Variants in BIRC6 observed in about 807,000 individuals in gnomAD.
BIRC6 encodes baculoviral IAP repeat containing 6.
A neutral mutation model predicts 503.3 loss-of-function variants in BIRC6; 98 were observed. The observed-to-expected ratio is 0.19, with a 90% CI of 0.17 to 0.23. The LOEUF (loss-of-function observed/expected upper bound fraction) is 0.23, where lower values mean the gene tolerates loss of function less well. BIRC6 is among the 10% of genes least tolerant of loss of function. The pLI is 1.00. For missense variants in BIRC6, 5,360 were observed against 5,806.0 expected, an observed-to-expected ratio of 0.92 and a Z score of 2.50; for synonymous variants, 2,240 against 2,078.7, an observed-to-expected ratio of 1.08 and a Z score of -2.11.
chr2:32,376,914 T>TA (rs1202500208), intron 1 of BIRC6, among the ~76,000 whole-genome samples: 11 of 152,296 alleles, frequency 7.2e-5, no homozygotes, highest in African/African-American at 2.4e-4. Flanking sequence ...GTACCATACT[T>TA]ACCTGTTTTT....
chr2:32,449,557 C>T (rs568836468), intron 22 of BIRC6, among the ~76,000 whole-genome samples: 1 of 152,012 alleles, frequency 6.6e-6, no homozygotes, highest in South Asian at 2.1e-4. Context: ...GTACTTATTG[C>T]AGATGTTGTT....
intron 61 of BIRC6, among the ~76,000 whole-genome samples, chr2:32,534,429 T>C (rs1003371951): frequency 7.0e-6 from 1 of 143,808 alleles, no homozygotes; most frequent in Non-Finnish European, 1.5e-5. Context: ...AACTGGAAGA[T>C]GTATCAAAAG....
chr2:32,496,762 A>T (rs889767062), intron 45 of BIRC6, among the ~76,000 whole-genome samples: 1 of 152,146 alleles, frequency 6.6e-6, no homozygotes, highest in Non-Finnish European at 1.5e-5. Context: ...AGATTGCATC[A>T]TTCTGTAGAT....
intron 69 of BIRC6, among the ~76,000 whole-genome samples, chr2:32,598,663 C>G (rs1296682011): frequency 6.6e-6 from 1 of 152,130 alleles, no homozygotes; most frequent in Non-Finnish European, 1.5e-5. Flanking sequence ...GTTAAACATT[C>G]TGTCTTCCAT....
At chr2:32,597,598 A>G (rs771962101) in intron 68 of BIRC6, among the ~76,000 whole-genome samples, 153 bp from the exon 69 acceptor site, 1 of 152,184 alleles carries the variant, frequency 6.6e-6, no homozygotes, top group African/African-American at 2.4e-5. Context: ...GTGCTAATAT[A>G]TAGGTGTTAT....
At chr2:32,536,222 G>A (rs1250489641) in intron 61 of BIRC6, among the ~76,000 whole-genome samples, 1 of 152,112 alleles carries the variant, frequency 6.6e-6, no homozygotes, top group African/African-American at 2.4e-5. Context: ...TGTCAGATGA[G>A]TAGATTGCAA....
At chr2:32,382,020 G>C (rs962604573) in intron 3 of BIRC6, among the ~76,000 whole-genome samples, 1 of 152,126 alleles carries the variant, frequency 6.6e-6, no homozygotes, top group Non-Finnish European at 1.5e-5. Flanking sequence ...TGTCCTATGA[G>C]TTTCAACAGA....
chr2:32,612,157 C>T (rs528052043), intron 73 of BIRC6, among the ~76,000 whole-genome samples: 7 of 152,300 alleles, frequency 4.6e-5, no homozygotes, highest in South Asian at 2.1e-4. Flanking sequence ...CATGAGCAAC[C>T]GTGCCAGACT....
intron 72 of BIRC6, among the ~76,000 whole-genome samples, chr2:32,610,222 T>C (rs2062769908): frequency 6.6e-6 from 1 of 152,184 alleles, no homozygotes; most frequent in South Asian, 2.1e-4. Flanking sequence ...GTCTGTTCTT[T>C]AGGGCAGACA....
At chr2:32,514,157 C>CA (rs1482632419) in intron 54 of BIRC6, among the ~76,000 whole-genome samples, 2 of 151,956 alleles carry the variant, frequency 1.3e-5, no homozygotes. Flanking sequence ...CAAATCTCTA[C>CA]AAAAAAATTA....
At position 32,543,247 on chromosome 2, in the gene BIRC6, G is replaced by A. The variant is rs569929809; in HGVS notation, c.12298G>A (p.Ala4100Thr). The A allele has an allele frequency of 1.2e-5, 19 of 1,613,018 alleles. No individual in the cohort carries two copies. The highest frequency in any genetic ancestry group is 4.5e-5 in the East Asian group (2 of 44,846). The change falls in exon 62 of 74, where the codon GCT (alanine) becomes ACT (threonine). Residue 4100 changes from alanine (A) to threonine (T), a missense_variant. Coordinates refer to ENST00000421745, the MANE Select transcript of BIRC6 (RefSeq NM_016252.4). ...LYPEVIQQVS[A>T]PVVTSTTQEK... ...CACTTTTCTTTTTCTTTAGGTGAGT[G>A]CTCCAGTTGTAACATCTACCACTCA...
In BIRC6 at chr2:32,467,543, C is replaced by T; in HGVS notation, c.5375C>T (p.Thr1792Ile). Residue 1792 changes from threonine (T) to isoleucine (I), a missense_variant, in exon 27 of 74, where the codon ACC becomes ATC. Physicochemically the swap from Thr to Ile is moderately conservative, Grantham distance 89. This residue lies in a region of BIRC6 where 2,299 missense variants were observed against 2,267.2 expected (regional missense o/e 1.01). Coordinates refer to ENST00000421745, the MANE Select transcript of BIRC6 (RefSeq NM_016252.4). ...CTCATAGGAGCAAGAAGATTTGTGA[C>T]CTTGGATTTTGGGAGGCCTATATTG... Reference protein sequence around the residue: ...RMHSGARRFVTLDFGRPILLT... With the variant: ...RMHSGARRFVILDFGRPILLT... The T allele has an allele frequency of 6.2e-7, 1 of 1,613,706 alleles. No individual in the cohort carries two copies. Among genetic ancestry groups the T allele is most frequent in the Non-Finnish European group, 8.5e-7 (1 of 1,179,778 alleles).
Position 32,364,494 on chromosome 2 carries a change from G to A in BIRC6, c.325+7008G>A, listed in dbSNP as rs539108203. Among the ~76,000 whole-genome samples the A allele has an allele frequency of 2.0e-5, 3 of 152,214 alleles. No individual in the cohort carries two copies. The East Asian group carries it at 5.8e-4, about 29-fold the overall frequency. ...CTGACCTCGTGATCCGCCCGCCCTG[G>A]CCTCCCAAAGTGCTGGGATTGCAGG... On this transcript the variant is annotated intron_variant, in intron 1 of 73. Transcript: ENST00000421745.
chr2:32,443,849 A>G (rs1362095343), intron 20 of BIRC6, among the ~76,000 whole-genome samples: 1 of 152,200 alleles, frequency 6.6e-6, no homozygotes, highest in Non-Finnish European at 1.5e-5. Flanking sequence ...CTTCATTACA[A>G]TCATTGAGTT....
At position 32,414,754 on chromosome 2, in the gene BIRC6, T is replaced by G; in HGVS notation, c.1478-15T>G. 6.3e-7 allele frequency: 1 copy of G among 1,594,674 alleles called. No individual in the cohort carries two copies. Among genetic ancestry groups the G allele is most frequent in the Non-Finnish European group, 8.6e-7 (1 of 1,167,028 alleles). On this transcript the variant is annotated splice_polypyrimidine_tract_variant and intron_variant, in intron 9 of 73. Coordinates refer to ENST00000421745, the MANE Select transcript of BIRC6 (RefSeq NM_016252.4). ...GAGTAGAAACATATCTAATGAATAT[T>G]GTTCCTTTTTAAAGGGCATACATCA...
rs1195517846 is a variant in BIRC6 at position 32,599,783 on chromosome 2, C to T, written c.13875C>T (p.Cys4625=). The stretch of plus-strand genomic sequence containing the variant: ...CGGACACCCCTTATGCAAATGGCTG[C>T]TTTGAGTTTGATGTGTATTTTCCTC... ...GPADTPYANG[C]FEFDVYFPQD... is the part of the protein sequence containing the mutation. Residue 4625 remains cysteine (C), a synonymous_variant, in exon 70 of 74, where the codon TGC becomes TGT. Coordinates refer to ENST00000421745, the MANE Select transcript of BIRC6 (RefSeq NM_016252.4). 3.1e-6 allele frequency: 5 copies of T among 1,613,802 alleles called. No individual in the cohort carries two copies. Among genetic ancestry groups the T allele is most frequent in the South Asian group, 2.2e-5 (2 of 91,092 alleles).
At chr2:32,457,539 T>C (rs2047386938) in intron 23 of BIRC6, among the ~76,000 whole-genome samples, 1 of 152,158 alleles carries the variant, frequency 6.6e-6, no homozygotes, top group Admixed American at 6.5e-5. Flanking sequence ...GTATATGTTT[T>C]TTCCCATAAT....
chr2:32,370,883 GTA>G (rs1323334732), intron 1 of BIRC6, among the ~76,000 whole-genome samples: 1 of 152,044 alleles, frequency 6.6e-6, no homozygotes, highest in Non-Finnish European at 1.5e-5. Context: ...GTTTTACAGT[GTA>G]TTGTCAGTTT....
chr2:32,534,111 C>A (rs2056999492), intron 61 of BIRC6, among the ~76,000 whole-genome samples: 1 of 152,086 alleles, frequency 6.6e-6, no homozygotes, highest in Non-Finnish European at 1.5e-5. Flanking sequence ...CCTGTAATCA[C>A]ACTTGTAATC....
Sources: allele counts gnomAD v4.1 joint callset (sites outside exome capture counted in the v4.1 genomes callset), GRCh38; gene constraint gnomAD v4.1.1; regional missense constraint gnomAD v4.1.1; transcripts MANE v1.5; gene names NCBI Gene and HGNC (gene_info 2026-07-23, HGNC 2026-07-21).